Variants in KLRG2 observed in about 807,000 individuals in gnomAD.
KLRG2 encodes killer cell lectin-like receptor subfamily G member 2.
A neutral mutation model predicts 35.4 loss-of-function variants in KLRG2; 39 were observed. That is an observed-to-expected ratio of 1.10 (90% confidence interval 0.85 to 1.44). The LOEUF (loss-of-function observed/expected upper bound fraction) is 1.44, where lower values mean the gene tolerates loss of function less well. KLRG2 is among the 40% of genes most tolerant of loss of function. The pLI, the probability that KLRG2 is intolerant of heterozygous loss-of-function variation, is 0.00. For synonymous variants in KLRG2, 283 were observed against 265.8 expected (o/e 1.06, Z -0.63); for missense variants, 632 against 570.9 (o/e 1.11, Z -1.09).
chr7:139,475,702 T>C (rs919943679), intron 3 of KLRG2, among the ~76,000 whole-genome samples: 9 of 152,010 alleles, frequency 5.9e-5, no homozygotes, highest in Non-Finnish European at 1.2e-4. Context: ...AACCAGTAAA[T>C]GTGTTTCCCT....
the KLRG2 span, among the ~76,000 whole-genome samples, chr7:139,445,793 G>GTATATA: frequency 0.019 from 1,800 of 95,440 alleles, 341 homozygotes; most frequent in African/African-American, 0.14. Flanking sequence ...ATATATATAT[G>GTATATA]TGTGTATATA....
At chr7:139,462,868 GTCTT>G (rs1796590264) in intron 3 of KLRG2, among the ~76,000 whole-genome samples, 2 of 151,974 alleles carry the variant, frequency 1.3e-5, no homozygotes, top group African/African-American at 4.8e-5. Context: ...GCATTGCTGA[GTCTT>G]TCCAATCTTC....
chr7:139,434,921 T>C, the KLRG2 span, among the ~76,000 whole-genome samples: 2 of 152,126 alleles, frequency 1.3e-5, no homozygotes, highest in African/African-American at 4.8e-5. Flanking sequence ...ATCCACATCA[T>C]CTCTTCGTCC....
chr7:139,461,807 G>GCCTC (rs961842503), intron 3 of KLRG2, among the ~76,000 whole-genome samples: 1 of 152,030 alleles, frequency 6.6e-6, no homozygotes, highest in African/African-American at 2.4e-5. Context: ...TAAATAAACA[G>GCCTC]CCTCATTGCT....
intron 3 of KLRG2, among the ~76,000 whole-genome samples, chr7:139,459,125 G>C (rs1796526479): frequency 6.6e-6 from 1 of 152,196 alleles, no homozygotes; most frequent in Non-Finnish European, 1.5e-5. Context: ...TGTTTCAAAT[G>C]ATTGATGCTG....
chr7:139,469,916 A>C (rs1796727993), intron 3 of KLRG2, among the ~76,000 whole-genome samples: 1 of 152,250 alleles, frequency 6.6e-6, no homozygotes, highest in Non-Finnish European at 1.5e-5. Context: ...TAAGGAGTAG[A>C]GATTCCTTAT....
rs112675429 is a variant in KLRG2 at position 139,477,034 on chromosome 7, G to A, written c.1005+2593C>T. Among the ~76,000 whole-genome samples, 699 of 152,204 alleles carry A rather than the reference G, an allele frequency of 4.6e-3. 7 individuals carry two copies. The highest frequency in any genetic ancestry group is 0.015 in the African/African-American group (640 of 41,526). On this transcript the variant is annotated intron_variant, in intron 3 of 4. Coordinates refer to ENST00000340940, the MANE Select transcript of KLRG2 (RefSeq NM_198508.4). ...AATACACACTCATTAAAGCACTGACGGAAGGAGTGCTGCGTTTTCATACAT... is the reference window on the plus strand; with the variant it reads ...AATACACACTCATTAAAGCACTGACAGAAGGAGTGCTGCGTTTTCATACAT...
the KLRG2 span, among the ~76,000 whole-genome samples, chr7:139,444,587 G>A: frequency 4.1e-4 from 63 of 152,152 alleles, no homozygotes; most frequent in African/African-American, 1.5e-3. Flanking sequence ...GTGAGAGGGT[G>A]GCCATCTGCA....
In KLRG2 at chr7:139,480,207, C is replaced by T. The variant is rs139482497; in HGVS notation, c.798G>A (p.Ala266=). The T allele has an allele frequency of 5.6e-4, 911 of 1,613,646 alleles. No homozygotes were observed. The highest frequency in any genetic ancestry group is 7.0e-4 in the Non-Finnish European group (827 of 1,179,734). ...AGACTGCCAGGAGCACAGCCATGAA[C>T]GCCAGGGCCCAGTACAGGGACTTCA... is the stretch of plus-strand genomic sequence containing the variant. ...MYVKSLYWAL[A]FMAVLLAVSG... The change falls in exon 2 of 5, where the codon GCG becomes GCA. Residue 266 remains alanine, a synonymous_variant. Coordinates refer to ENST00000340940, the MANE Select transcript of KLRG2 (RefSeq NM_198508.4).
intron 3 of KLRG2, among the ~76,000 whole-genome samples, chr7:139,479,314 C>T (rs1192794440): frequency 6.6e-6 from 1 of 152,130 alleles, no homozygotes; most frequent in Non-Finnish European, 1.5e-5. Flanking sequence ...AACTCCTGAC[C>T]TTGTGATCCG....
In KLRG2 at chr7:139,483,158, G is replaced by A; in HGVS notation, c.485C>T (p.Ser162Phe). 6.7e-7 allele frequency: 1 copy of A among 1,493,976 alleles called. No individual in the cohort carries two copies. The highest frequency in any genetic ancestry group is 1.3e-5 in the South Asian group (1 of 79,120). The allele number at this position is 1,493,976 out of a possible 1,614,324, so 92.5% of individuals were successfully genotyped here. ...CTGGTGCGCCGGGTCCGCGTGGCGG[G>A]AGAAGGCAGGGGACTCGGGCACCGG... The part of the protein sequence containing the change: ...KVPVPESPAF[S>F]RHADPAHQLL... The change falls in exon 1 of 5, where the codon TCC (serine) becomes TTC (phenylalanine). Residue 162 changes from serine (S) to phenylalanine (F), a missense_variant. Ser to Phe is a radical substitution (Grantham distance 155). Transcript: ENST00000340940.
intron 3 of KLRG2, among the ~76,000 whole-genome samples, chr7:139,469,724 G>A (rs907412846): frequency 3.3e-5 from 5 of 152,242 alleles, no homozygotes; most frequent in South Asian, 4.1e-4. Flanking sequence ...GATTACAGGC[G>A]TGAGCCACTA....
the KLRG2 span, among the ~76,000 whole-genome samples, chr7:139,434,479 T>C: frequency 6.6e-6 from 1 of 152,218 alleles, no homozygotes; most frequent in Admixed American, 6.5e-5. Flanking sequence ...GATGAGTTGC[T>C]GGGGCCAAAG....
intron 3 of KLRG2, among the ~76,000 whole-genome samples, chr7:139,464,454 C>T (rs1796617445): frequency 6.6e-6 from 1 of 152,178 alleles, no homozygotes. Flanking sequence ...TGCCTATCCA[C>T]CCCGTGGTGC....
chr7:139,469,106 C>T lies in KLRG2; in HGVS notation c.1005+10521G>A, dbSNP rs150536342. ...GAGAAAGTCAGCTTGTTGAAGCTAA[C>T]CAGTCTGCAGTATTTTGCTATAGCA... On this transcript the variant is annotated intron_variant, in intron 3 of 4. Coordinates refer to ENST00000340940, the MANE Select transcript of KLRG2 (RefSeq NM_198508.4). Among the ~76,000 whole-genome samples, 578 of 152,326 alleles carry T rather than the reference C, an allele frequency of 3.8e-3. 4 individuals carry two copies. The highest frequency in any genetic ancestry group is 0.013 in the African/African-American group (551 of 41,584).
At chr7:139,449,866 AT>A (rs910603047), downstream of KLRG2, among the ~76,000 whole-genome samples, 9 of 148,462 alleles carry the variant, frequency 6.1e-5, no homozygotes, top group Non-Finnish European at 1.0e-4. Flanking sequence ...CGCTTGGCTA[AT>A]TTTTTTTGTA....
At chr7:139,470,787 T>TA (rs1205488696) in intron 3 of KLRG2, among the ~76,000 whole-genome samples, 3 of 149,176 alleles carry the variant, frequency 2.0e-5, no homozygotes, top group African/African-American at 7.4e-5. Flanking sequence ...GACCTGTCTC[T>TA]AAAAAAAACA....
At chr7:139,437,866 T>A in the KLRG2 span, among the ~76,000 whole-genome samples, 2 of 152,230 alleles carry the variant, frequency 1.3e-5, no homozygotes, top group Non-Finnish European at 2.9e-5. Flanking sequence ...TCTCCCTGCA[T>A]CCATGCCCTT....
At chr7:139,450,539 T>G (rs539314909), downstream of KLRG2, among the ~76,000 whole-genome samples, 4 of 152,262 alleles carry the variant, frequency 2.6e-5, no homozygotes, top group South Asian at 8.3e-4. Flanking sequence ...ACAATTATCT[T>G]GATGAATTCA....
Sources: gnomAD v4.1 joint callset for allele counts (sites outside exome capture counted in the v4.1 genomes callset) on GRCh38, gnomAD v4.1.1 for gene constraint, MANE v1.5 for transcripts, NCBI Gene and HGNC (gene_info 2026-07-23, HGNC 2026-07-21) for gene names.